The following LITAF variants were observed in gnomAD, a reference collection of about 807,000 sequenced individuals.
LITAF encodes the protein lipopolysaccharide-induced tumor necrosis factor-alpha factor.
In LITAF, 9 loss-of-function variants were observed where a neutral mutation model predicts 14.5. The observed-to-expected ratio is 0.62, with a 90% CI of 0.37 to 1.08. LITAF has a LOEUF of 1.08. LITAF is among the 50% of genes least tolerant of loss of function. The probability of loss-of-function intolerance (pLI) is 0.01; values close to 1 mark genes in which losing one functional copy is unlikely to be tolerated. For synonymous variants in LITAF, 98 were observed against 88.2 expected (o/e 1.11, Z -0.62); for missense variants, 206 against 213.4 (o/e 0.97, Z 0.22).
chr16:11,574,230 C>G (rs919756529), intron 1 of LITAF, among the ~76,000 whole-genome samples: 6 of 151,512 alleles, frequency 4.0e-5, no homozygotes, highest in South Asian at 4.2e-4. Context: ...TTTGTAGAGA[C>G]GGGGTCTCAG....
At chr16:11,576,070 G>A (rs11642337) in intron 1 of LITAF, among the ~76,000 whole-genome samples, 38,355 of 151,926 alleles carry the variant, frequency 0.25, 6,058 homozygotes, top group Non-Finnish European at 0.35. Context: ...TTAATTTTTT[G>A]TAGAGACGGG....
At chr16:11,630,881 G>C (rs1267571703) in intron 3 of LITAF, among the ~76,000 whole-genome samples, 2 of 152,100 alleles carry the variant, frequency 1.3e-5, no homozygotes, top group African/African-American at 4.8e-5. Context: ...ACAGGCATGG[G>C]CCACGGTGCC....
chr16:11,572,191 C>G (rs932415551), intron 1 of LITAF, among the ~76,000 whole-genome samples: 1 of 152,164 alleles, frequency 6.6e-6, no homozygotes, highest in Non-Finnish European at 1.5e-5. Context: ...ACCTGCCTCT[C>G]CTCCAAATCC....
At chr16:11,585,671 T>C (rs1030688582) in intron 1 of LITAF, among the ~76,000 whole-genome samples, 1 of 152,174 alleles carries the variant, frequency 6.6e-6, no homozygotes, top group African/African-American at 2.4e-5. Flanking sequence ...AGAGGGCAGA[T>C]GAAGCAGCCA....
At chr16:11,624,253 C>A (rs1229671024) in intron 3 of LITAF, among the ~76,000 whole-genome samples, 3 of 152,334 alleles carry the variant, frequency 2.0e-5, no homozygotes, top group East Asian at 3.9e-4. Context: ...GCAGTTCCAG[C>A]CTTATCCCCA....
At chr16:11,593,707 A>G (rs1326440908) in intron 1 of LITAF, among the ~76,000 whole-genome samples, 1 of 152,250 alleles carries the variant, frequency 6.6e-6, no homozygotes, top group Non-Finnish European at 1.5e-5. Context: ...TCCACAATAC[A>G]CAGGGACCTC....
upstream of LITAF, among the ~76,000 whole-genome samples, chr16:11,639,454 G>C (rs1370930844): frequency 1.3e-5 from 2 of 151,610 alleles, no homozygotes; most frequent in Non-Finnish European, 2.9e-5. Context: ...GGGATGCATG[G>C]ATGGGTGGGT....
At chr16:11,555,387 T>C (rs1407825810) in intron 2 of LITAF, among the ~76,000 whole-genome samples, 22 of 152,158 alleles carry the variant, frequency 1.4e-4, no homozygotes, top group Non-Finnish European at 2.6e-4. Context: ...CCAGGCTCTG[T>C]GACTCATGCT....
chr16:11,616,819 G>A (rs2065022166), intron 3 of LITAF, among the ~76,000 whole-genome samples: 1 of 151,326 alleles, frequency 6.6e-6, no homozygotes. Flanking sequence ...GGCTGAGGCA[G>A]GAGGATCACC....
chr16:11,613,042 T>C (rs2064992585), intron 3 of LITAF, among the ~76,000 whole-genome samples: 1 of 152,072 alleles, frequency 6.6e-6, no homozygotes, highest in South Asian at 2.1e-4. Context: ...TTTTATTTGT[T>C]TTTTGGGGTT....
rs1005516638 is a variant in LITAF at position 11,625,849 on chromosome 16, A to G, written c.85+7684T>C. ...CTAACTCCAGCCCTGAGACACAGACAAGTCCCCCTAAGCTCTTGGAGCCTC... is the reference window on the plus strand; with the variant it reads ...CTAACTCCAGCCCTGAGACACAGACGAGTCCCCCTAAGCTCTTGGAGCCTC... On this transcript the variant is annotated intron_variant, in intron 3 of 3. Transcript: ENST00000574848. 2.6e-5 allele frequency among the ~76,000 whole-genome samples: 4 copies of G among 152,146 alleles called. No homozygotes were observed. In the South Asian group the frequency reaches 8.3e-4, roughly 31 times the overall value.
At chr16:11,577,316 AT>A (rs71136668) in intron 1 of LITAF, among the ~76,000 whole-genome samples, 5,131 of 127,922 alleles carry the variant, frequency 0.04, 191 homozygotes, top group African/African-American at 0.14. Context: ...AGAAGTGTCT[AT>A]TTTTTTTTTT....
Position 11,547,925 on chromosome 16 carries a change from A to G in LITAF, c.*1712T>C. The G allele has an allele frequency of 2.2e-6, 1 of 454,154 alleles. No homozygotes were observed. Among genetic ancestry groups the G allele is most frequent in the Non-Finnish European group, 4.4e-6 (1 of 226,802 alleles). The allele number at this position is 454,154 out of a possible 1,614,324, so 28.1% of individuals were successfully genotyped here. A position where few individuals can be genotyped will look rare whatever the true frequency, so the allele number is the denominator to read the frequency against. ...GATTTTCTACCGTTACTGAACAAAT[A>G]AAGGTTCTTTGTAGCAATGGCTGGA... On this transcript the variant is annotated 3_prime_UTR_variant, in exon 4 of 4. Coordinates refer to ENST00000622633, the MANE Select transcript of LITAF (RefSeq NM_001136472.2).
upstream of LITAF, among the ~76,000 whole-genome samples, chr16:11,601,666 C>A (rs2064927035): frequency 6.6e-6 from 1 of 152,110 alleles, no homozygotes; most frequent in Non-Finnish European, 1.5e-5. Flanking sequence ...ACTTCCTGGG[C>A]TCAATCAATC....
At chr16:11,570,269 T>C (rs2064521536) in intron 1 of LITAF, among the ~76,000 whole-genome samples, 1 of 152,128 alleles carries the variant, frequency 6.6e-6, no homozygotes, top group African/African-American at 2.4e-5. Flanking sequence ...ACCGGAACAT[T>C]GGGTAAGCAG....
chr16:11,568,331 T>C (rs1013359800), intron 1 of LITAF, among the ~76,000 whole-genome samples: 11 of 149,626 alleles, frequency 7.4e-5, no homozygotes, highest in African/African-American at 2.4e-4. Context: ...TTCTTACCAC[T>C]GTATTATCCA....
chr16:11,639,749 A>G (rs1296518009), upstream of LITAF, among the ~76,000 whole-genome samples: 2 of 152,098 alleles, frequency 1.3e-5, no homozygotes, highest in Non-Finnish European at 2.9e-5. Flanking sequence ...AATCCCATCA[A>G]TTTGGGAGGC....
rs543105557 is a variant in LITAF at position 11,551,359 on chromosome 16, C to T, written c.378-1614G>A. On this transcript the variant is annotated intron_variant, in intron 3 of 3. Coordinates refer to ENST00000622633, the MANE Select transcript of LITAF (RefSeq NM_001136472.2). ...GCAGGCCCTGAGGTGGGCGTTATTG[C>T]CCCGCACCCCCGTCTACAGATGGGG... Among the ~76,000 whole-genome samples the T allele has an allele frequency of 5.3e-5, 8 of 152,140 alleles. 1 individual carries two copies. In the South Asian group the frequency reaches 1.7e-3, roughly 32 times the overall value.
chr16:11,577,596 G>T (rs973687550), intron 1 of LITAF, among the ~76,000 whole-genome samples: 1 of 152,122 alleles, frequency 6.6e-6, no homozygotes, highest in African/African-American at 2.4e-5. Flanking sequence ...GGGATTACAG[G>T]TGTAAGCCAC....
Sources: gnomAD v4.1 joint callset for allele counts (sites outside exome capture counted in the v4.1 genomes callset) on GRCh38, gnomAD v4.1.1 for gene constraint, MANE v1.5 for transcripts, NCBI Gene and HGNC (gene_info 2026-07-23, HGNC 2026-07-21) for gene names.